The following PRKD3 variants were observed in gnomAD, a reference collection of about 807,000 sequenced individuals.
The protein encoded by PRKD3 is protein kinase D3, also known as serine/threonine-protein kinase D3.
A neutral mutation model predicts 99.2 loss-of-function variants in PRKD3; 47 were observed. The observed-to-expected ratio is 0.47, with a 90% CI of 0.38 to 0.60. The LOEUF is 0.60. Among genes scored for constraint, PRKD3 ranks in the 20% least tolerant of loss-of-function variants. The pLI is 0.00. For synonymous variants in PRKD3, 392 were observed against 355.4 expected, an observed-to-expected ratio of 1.10 and a Z score of -1.16; for missense variants, 1,019 against 1,088.4, an observed-to-expected ratio of 0.94 and a Z score of 0.90.
intron 2 of PRKD3, among the ~76,000 whole-genome samples, chr2:37,302,741 A>G (rs1409872707): frequency 1.3e-5 from 2 of 151,812 alleles, no homozygotes; most frequent in Non-Finnish European, 2.9e-5. Context: ...TTTTTTAGAC[A>G]CAGTCTCACC....
intron 2 of PRKD3, among the ~76,000 whole-genome samples, chr2:37,299,323 G>A (rs566507907): frequency 6.6e-6 from 1 of 152,204 alleles, no homozygotes; most frequent in South Asian, 2.1e-4. Flanking sequence ...GACTCCTTGA[G>A]TAAGACCTGA....
chr2:37,280,117 T>C (rs1156257755), intron 7 of PRKD3, among the ~76,000 whole-genome samples, 188 bp from the exon 8 acceptor site: 1 of 151,378 alleles, frequency 6.6e-6, no homozygotes, highest in African/African-American at 2.4e-5. Flanking sequence ...TGATCTCGGC[T>C]CACTGCAACC....
rs1296461306 is a variant in PRKD3 at position 37,252,834 on chromosome 2, C to CAT, written c.*341_*342dup. 1 of 100,544 alleles carries CAT rather than the reference C, an allele frequency of 9.9e-6. No homozygotes were observed. Among genetic ancestry groups the CAT allele is most frequent in the Non-Finnish European group, 2.1e-5 (1 of 48,392 alleles). 6.2% of individuals were successfully genotyped at this position (100,544 alleles called of 1,614,324 possible). On this transcript the variant is annotated 3_prime_UTR_variant, in exon 19 of 19. Transcript: ENST00000234179. ...GTTTTTCATTAAAAAAACAAACAAA[C>CAT]ATATATTTATATTTATATATATATA... is the stretch of plus-strand genomic sequence containing the variant.
At chr2:37,278,034 AAT>A in intron 8 of PRKD3, 45 bp from the exon 9 acceptor site, 1 of 1,524,294 alleles carries the variant, frequency 6.6e-7, no homozygotes, top group East Asian at 2.4e-5. Context: ...ATTTTTAAAA[AAT>A]CATATAAATA....
chr2:37,279,427 CA>C (rs897108477), intron 8 of PRKD3: 3 of 171,498 alleles, frequency 1.7e-5, no homozygotes, highest in African/African-American at 7.1e-5. Flanking sequence ...ACTGAAAGTT[CA>C]ATACTGACAC....
At chr2:37,291,652 T>C (rs1670430067) in intron 3 of PRKD3, among the ~76,000 whole-genome samples, 1 of 152,060 alleles carries the variant, frequency 6.6e-6, no homozygotes, top group Non-Finnish European at 1.5e-5. Flanking sequence ...AATATAGAGA[T>C]GGTTTGGGGT....
At chr2:37,303,723 G>T (rs900501141) in intron 2 of PRKD3, among the ~76,000 whole-genome samples, 1 of 152,150 alleles carries the variant, frequency 6.6e-6, no homozygotes, top group Admixed American at 6.5e-5. Flanking sequence ...TTACAGGTAT[G>T]AGCTGCCGTG....
intron 1 of PRKD3, among the ~76,000 whole-genome samples, chr2:37,323,853 G>A (rs897871515): frequency 6.6e-6 from 1 of 152,126 alleles, no homozygotes; most frequent in Non-Finnish European, 1.5e-5. Flanking sequence ...ATTTCCTGTG[G>A]GGATGGGTGT....
At position 37,317,172 on chromosome 2, in the gene PRKD3, T is replaced by C. The variant is rs1167770012; in HGVS notation, c.-648A>G. The C allele has an allele frequency of 1.7e-5, 17 of 982,644 alleles. No homozygotes were observed. Among genetic ancestry groups the C allele is most frequent in the Non-Finnish European group, 1.9e-5 (16 of 827,480 alleles). The allele number at this position is 982,644 out of a possible 1,614,324, so 60.9% of individuals were successfully genotyped here. On this transcript the variant is annotated 5_prime_UTR_variant, in exon 2 of 19. Transcript: ENST00000234179. ...AGAAAAGCTGATGCTTTCTGACATATAGTTAGCCTGGAAGGAAATTTTTTA... is the reference window on the plus strand; with the variant it reads ...AGAAAAGCTGATGCTTTCTGACATACAGTTAGCCTGGAAGGAAATTTTTTA...
At position 37,320,886 on chromosome 2, in the gene PRKD3, T is replaced by C. The variant is rs559221486; in HGVS notation, c.-655-3707A>G. On this transcript the variant is annotated intron_variant, in intron 1 of 18. Transcript: ENST00000234179. Reference sequence around the variant, plus strand: ...AAACACTACATATAAAAATGATTTTTAAAAGTCTCAGTATTAACACAAATA... The same window carrying C: ...AAACACTACATATAAAAATGATTTTCAAAAGTCTCAGTATTAACACAAATA... Among the ~76,000 whole-genome samples, 12 of 152,332 alleles carry C rather than the reference T, an allele frequency of 7.9e-5. No homozygotes were observed. In the East Asian group the frequency reaches 2.1e-3, roughly 27 times the overall value.
rs1335946642 is a variant in PRKD3 at position 37,250,928 on chromosome 2, C to G, written c.*2249G>C. The G allele has an allele frequency of 1.3e-5, 2 of 152,662 alleles. No individual in the cohort carries two copies. Among genetic ancestry groups the G allele is most frequent in the Admixed American group, 6.5e-5 (1 of 15,282 alleles). The allele number at this position is 152,662 out of a possible 1,614,324, so 9.5% of individuals were successfully genotyped here. On this transcript the variant is annotated 3_prime_UTR_variant, in exon 19 of 19. Coordinates refer to ENST00000234179, the MANE Select transcript of PRKD3 (RefSeq NM_005813.6). ...GAATAATCATTCAACTCCAGATTCT[C>G]TGACAGTGCCTTTACAAAATTTTTA...
At chr2:37,319,297 T>C (rs1671780321) in intron 1 of PRKD3, among the ~76,000 whole-genome samples, 1 of 152,192 alleles carries the variant, frequency 6.6e-6, no homozygotes, top group Non-Finnish European at 1.5e-5. Context: ...TTAGTGTAGT[T>C]AAGTTTGCTG....
rs55912911 is a variant in PRKD3, at chr2:37,275,808, G to C, written c.1333C>G (p.Leu445Val). 1 of 1,608,248 alleles carries C rather than the reference G, an allele frequency of 6.2e-7. No homozygotes were observed. The highest frequency in any genetic ancestry group is 8.5e-7 in the Non-Finnish European group (1 of 1,177,320). Residue 445 changes from leucine to valine, a missense_variant, in exon 10 of 19, where the codon CTA becomes GTA. Leu to Val is a conservative substitution (Grantham distance 32). This residue lies in a region of PRKD3 where 710 missense variants were observed against 692.7 expected (regional missense o/e 1.02). Coordinates refer to ENST00000234179, the MANE Select transcript of PRKD3 (RefSeq NM_005813.6). ...RHYWRLDSKC[L>V]TLFQNESGSK... ...CCAGATTCATTCTGAAATAATGTTA[G>C]ACATTTGCTGTCAAGTCTCCAATAA...
intron 14 of PRKD3, among the ~76,000 whole-genome samples, chr2:37,266,953 T>A (rs1434258605): frequency 1.3e-5 from 2 of 152,238 alleles, no homozygotes; most frequent in African/African-American, 4.8e-5. Flanking sequence ...AAATGCTAGA[T>A]GAAAAACACA....
chr2:37,274,401 T>G lies in PRKD3; in HGVS notation c.1651+20A>C. ...AAGAATTAAAGAGGAGAAAAAGCCA[T>G]CAAGAAGTTTATTGCTTACTGTGAT... is the stretch of plus-strand genomic sequence containing the variant. On this transcript the variant is annotated intron_variant, in intron 11 of 18. Transcript: ENST00000234179. 1.2e-6 allele frequency: 2 copies of G among 1,612,126 alleles called. No individual in the cohort carries two copies. The highest frequency in any genetic ancestry group is 1.7e-6 in the Non-Finnish European group (2 of 1,178,668).
rs147017134 is a variant in PRKD3, at chr2:37,295,450, C to T, written c.289-2179G>A. ...GAGAAGTTACAAGGTAAATGGAAGACGGTAAGTGGAGCCTTGAGACTAAAG... is the reference window on the plus strand; with the variant it reads ...GAGAAGTTACAAGGTAAATGGAAGATGGTAAGTGGAGCCTTGAGACTAAAG... On this transcript the variant is annotated intron_variant, in intron 2 of 18. Coordinates refer to ENST00000234179, the MANE Select transcript of PRKD3 (RefSeq NM_005813.6). Among the ~76,000 whole-genome samples, 331 of 152,074 alleles carry T rather than the reference C, an allele frequency of 2.2e-3. 1 individual carries two copies. The highest frequency in any genetic ancestry group is 7.1e-3 in the African/African-American group (293 of 41,468).
intron 7 of PRKD3, 28 bp downstream of exon 7, chr2:37,282,514 T>C (rs1475420607): frequency 3.5e-6 from 5 of 1,422,502 alleles, no homozygotes; most frequent in Admixed American, 1.7e-5. Context: ...TTCTGATCTT[T>C]CACAAAAATT....
rs566386463 is a variant in PRKD3, at chr2:37,262,037, C to T, written c.1885-1653G>A. Among the ~76,000 whole-genome samples, 14 of 152,244 alleles carry T rather than the reference C, an allele frequency of 9.2e-5. No individual in the cohort carries two copies. In the South Asian group the frequency reaches 1.5e-3, roughly 16 times the overall value. On this transcript the variant is annotated intron_variant, in intron 14 of 18. Transcript: ENST00000234179. ...GCGACTGTGCTTAAGGTAGGCTACA[C>T]GGGGCTAAGTTGTGTTCAGGAGGTA...
chr2:37,257,097 AG>A (rs1668014352), intron 16 of PRKD3, among the ~76,000 whole-genome samples, 168 bp from the exon 17 acceptor site: 1 of 152,218 alleles, frequency 6.6e-6, no homozygotes, highest in South Asian at 2.1e-4. Flanking sequence ...CTCAAAAGGC[AG>A]ACACATTTAT....
Sources: gnomAD v4.1 joint callset for allele counts (sites outside exome capture counted in the v4.1 genomes callset) on GRCh38, gnomAD v4.1.1 for gene constraint, gnomAD v4.1.1 regional missense constraint, MANE v1.5 for transcripts, NCBI Gene and HGNC (gene_info 2026-07-23, HGNC 2026-07-21) for gene names.